The following CYRIA variants were observed in gnomAD, a reference collection of about 807,000 sequenced individuals.
The protein encoded by CYRIA is CYFIP-related Rac1 interactor A.
Under a neutral mutation model 43.9 loss-of-function variants are expected in CYRIA, and 15 were observed. The ratio of observed to expected loss-of-function variants is 0.34; its 90% CI spans 0.23 to 0.53. CYRIA has a LOEUF of 0.53. Among genes scored for constraint, CYRIA ranks in the 20% least tolerant of loss-of-function variants. The pLI, the probability that CYRIA is intolerant of heterozygous loss-of-function variation, is 0.94. For synonymous variants in CYRIA, 117 were observed against 136.0 expected, an observed-to-expected ratio of 0.86 and a Z score of 0.97; for missense variants, 236 against 394.2, an observed-to-expected ratio of 0.60 and a Z score of 3.40.
intron 2 of CYRIA, among the ~76,000 whole-genome samples, chr2:16,600,654 G>A (rs562880236): frequency 5.2e-4 from 79 of 152,194 alleles, no homozygotes; most frequent in African/African-American, 1.3e-3. Flanking sequence ...GTATGTCCCC[G>A]CTACATATTA....
At chr2:16,625,810 G>A (rs1392260998) in intron 1 of CYRIA, 2 of 152,038 alleles carry the variant, frequency 1.3e-5, no homozygotes, top group Non-Finnish European at 2.9e-5. Context: ...TCAGGTATCA[G>A]GGAGAGCTAT....
At chr2:16,620,484 T>C (rs1022499051) in intron 2 of CYRIA, among the ~76,000 whole-genome samples, 4 of 152,218 alleles carry the variant, frequency 2.6e-5, no homozygotes, top group African/African-American at 9.6e-5. Flanking sequence ...CTGTGTGAAC[T>C]TATTTTACAG....
chr2:16,645,004 A>G (rs1012751327), intron 1 of CYRIA, among the ~76,000 whole-genome samples: 9 of 152,226 alleles, frequency 5.9e-5, no homozygotes, highest in African/African-American at 2.2e-4. Context: ...ATGTTGGTAC[A>G]AATCAGGAAA....
intron 3 of CYRIA, among the ~76,000 whole-genome samples, chr2:16,568,227 GAAAAAAA>G (rs71400699): frequency 4.5e-4 from 40 of 88,728 alleles, no homozygotes; most frequent in African/African-American, 1.3e-3. Flanking sequence ...TTCAAAATCA[GAAAAAAA>G]AAAAAAAAAA....
At chr2:16,598,846 T>C (rs1668098097) in intron 2 of CYRIA, among the ~76,000 whole-genome samples, 2 of 124,272 alleles carry the variant, frequency 1.6e-5, no homozygotes, top group East Asian at 4.2e-4. Flanking sequence ...TTCTGTTTTT[T>C]CCCCATCTTT....
intron 2 of CYRIA, among the ~76,000 whole-genome samples, chr2:16,611,691 C>T (rs916160739): frequency 6.6e-6 from 1 of 151,504 alleles, no homozygotes; most frequent in Non-Finnish European, 1.5e-5. Context: ...ACTGCCAAGA[C>T]GCCTGTGAGG....
At chr2:16,645,144 T>C (rs1390692415) in intron 1 of CYRIA, among the ~76,000 whole-genome samples, 1 of 152,228 alleles carries the variant, frequency 6.6e-6, no homozygotes, top group Admixed American at 6.5e-5. Context: ...TTTCATTTTT[T>C]ACAGTATAAA....
At chr2:16,638,922 A>T (rs1433269436) in intron 1 of CYRIA, among the ~76,000 whole-genome samples, 1 of 152,204 alleles carries the variant, frequency 6.6e-6, no homozygotes, top group Admixed American at 6.5e-5. Context: ...TCCATATCTC[A>T]AAAGTGTTAT....
intron 1 of CYRIA, among the ~76,000 whole-genome samples, chr2:16,639,333 T>C (rs950541008): frequency 2.0e-5 from 3 of 152,268 alleles, no homozygotes; most frequent in Non-Finnish European, 4.4e-5. Context: ...AAGCTCTTCC[T>C]GAATCTTAGA....
intron 3 of CYRIA, among the ~76,000 whole-genome samples, chr2:16,568,237 A>C (rs1241918766): frequency 6.6e-6 from 1 of 151,504 alleles, no homozygotes; most frequent in Non-Finnish European, 1.5e-5. Context: ...GAAAAAAAAA[A>C]AAAAAAAAAA....
chr2:16,641,277 G>A (rs974964752), intron 1 of CYRIA, among the ~76,000 whole-genome samples: 6 of 151,966 alleles, frequency 3.9e-5, no homozygotes, highest in African/African-American at 1.2e-4. Context: ...TGAGTCCCTG[G>A]CCCAAATCCT....
chr2:16,622,607 C>T (rs1389797863), intron 2 of CYRIA, among the ~76,000 whole-genome samples: 3 of 152,144 alleles, frequency 2.0e-5, no homozygotes, highest in African/African-American at 7.2e-5. Flanking sequence ...TCAACACCAG[C>T]TTATAACATG....
chr2:16,581,853 T>C lies in CYRIA; in HGVS notation c.70+6197A>G, dbSNP rs1190242256. Among the ~76,000 whole-genome samples, 3 of 152,144 alleles carry C rather than the reference T, an allele frequency of 2.0e-5. No homozygotes were observed. In the East Asian group the frequency reaches 5.8e-4, roughly 29 times the overall value. On this transcript the variant is annotated intron_variant, in intron 3 of 11. Transcript: ENST00000381323. The stretch of plus-strand genomic sequence containing the variant: ...GAATTGTCATACAACAGAAGAGTAT[T>C]CAATAACAAAAAGGAAATAAACTAT...
At chr2:16,560,813 C>T in intron 9 of CYRIA, 177 bp downstream of exon 9, 2 of 620,232 alleles carry the variant, frequency 3.2e-6, no homozygotes, top group East Asian at 5.6e-5. Flanking sequence ...GCTTCTTCAG[C>T]TATGCAGTAG....
chr2:16,620,131 T>C (rs1190883113), intron 2 of CYRIA, among the ~76,000 whole-genome samples: 1 of 152,244 alleles, frequency 6.6e-6, no homozygotes, highest in Non-Finnish European at 1.5e-5. Context: ...GGTGTGACCA[T>C]TGGTAGATAC....
chr2:16,564,098 C>G lies in CYRIA; in HGVS notation c.193-4G>C. 1 of 1,610,146 alleles carries G rather than the reference C, an allele frequency of 6.2e-7. No individual in the cohort carries two copies. Among genetic ancestry groups the G allele is most frequent in the African/African-American group, 1.3e-5 (1 of 74,862 alleles). On this transcript the variant is annotated splice_polypyrimidine_tract_variant and splice_region_variant and intron_variant, in intron 4 of 11. Transcript: ENST00000381323. ...TGTCATTGGGATTTTGAATTGCCTG[C>G]AAAAACACAGTAGAGCTGACTGTTT...
chr2:16,648,171 C>T (rs1669871371), intron 1 of CYRIA, among the ~76,000 whole-genome samples: 1 of 152,140 alleles, frequency 6.6e-6, no homozygotes, highest in African/African-American at 2.4e-5. Context: ...TTTTATCTAT[C>T]TCAGAGAAAC....
intron 1 of CYRIA, among the ~76,000 whole-genome samples, chr2:16,646,023 A>G (rs1389118858): frequency 6.6e-6 from 1 of 152,252 alleles, no homozygotes; most frequent in African/African-American, 2.4e-5. Flanking sequence ...GGAGGCAGAA[A>G]AGGATCAGAC....
At chr2:16,610,380 A>G (rs1425526610) in intron 2 of CYRIA, among the ~76,000 whole-genome samples, 1 of 152,236 alleles carries the variant, frequency 6.6e-6, no homozygotes, top group Non-Finnish European at 1.5e-5. Flanking sequence ...TTTTTGGGAA[A>G]CAGAAAATGG....
Sources: allele counts gnomAD v4.1 joint callset (sites outside exome capture counted in the v4.1 genomes callset), GRCh38; gene constraint gnomAD v4.1.1; transcripts MANE v1.5; gene names NCBI Gene and HGNC (gene_info 2026-07-23, HGNC 2026-07-21).